Variants in TLK1 observed in about 807,000 individuals in gnomAD.
TLK1 encodes serine/threonine-protein kinase tousled-like 1.
TLK1 carries 24 observed loss-of-function variants against 105.3 expected under a neutral mutation model. The observed-to-expected ratio is 0.23, with a 90% CI of 0.17 to 0.32. The LOEUF (loss-of-function observed/expected upper bound fraction) is 0.32, where lower values mean the gene tolerates loss of function less well. Among genes scored for constraint, TLK1 ranks in the 10% least tolerant of loss-of-function variants. TLK1 has a pLI of 1.00. For synonymous variants in TLK1, 321 were observed against 310.4 expected (o/e 1.03, Z -0.36); for missense variants, 558 against 910.5 (o/e 0.61, Z 4.98).
chr2:171,115,625 T>C (rs1483615220), intron 2 of TLK1, among the ~76,000 whole-genome samples: 1 of 152,216 alleles, frequency 6.6e-6, no homozygotes, highest in Non-Finnish European at 1.5e-5. Context: ...AATTATTAGA[T>C]GAATCAGAAA....
At chr2:171,095,773 A>T (rs192333975) in intron 2 of TLK1, among the ~76,000 whole-genome samples, 4 of 152,296 alleles carry the variant, frequency 2.6e-5, no homozygotes, top group Non-Finnish European at 4.4e-5. Flanking sequence ...GCATCTGACA[A>T]AATTCAACAT....
intron 1 of TLK1, among the ~76,000 whole-genome samples, chr2:171,120,189 C>T (rs1575608996): frequency 7.3e-6 from 1 of 136,810 alleles, no homozygotes; most frequent in Non-Finnish European, 1.5e-5. Flanking sequence ...GCAAAGGCTG[C>T]AGTGAATCGA....
chr2:171,062,381 A>T (rs1210904099), intron 3 of TLK1, among the ~76,000 whole-genome samples: 1 of 152,234 alleles, frequency 6.6e-6, no homozygotes, highest in Non-Finnish European at 1.5e-5. Context: ...GTGGGCCTAC[A>T]ATTAAATATA....
At chr2:171,145,994 A>G (rs1691777166) in intron 1 of TLK1, among the ~76,000 whole-genome samples, 1 of 152,182 alleles carries the variant, frequency 6.6e-6, no homozygotes, top group Non-Finnish European at 1.5e-5. Context: ...CACAGGTCAG[A>G]GTTTATAATA....
chr2:171,151,162 C>T (rs1692017432), intron 1 of TLK1, among the ~76,000 whole-genome samples: 1 of 152,006 alleles, frequency 6.6e-6, no homozygotes, highest in Non-Finnish European at 1.5e-5. Flanking sequence ...CAACTACAGG[C>T]GTGCACCACA....
rs1012569823 is a variant in TLK1, at chr2:171,006,127, G to A, written c.1904+20C>T. On this transcript the variant is annotated intron_variant, in intron 18 of 20. Transcript: ENST00000431350. ...TGGGCACCAATCTAGACATTCTGAT[G>A]TTTTTAGTAATACACTTACCAGTAA... 2 of 1,537,508 alleles carry A rather than the reference G, an allele frequency of 1.3e-6. No individual in the cohort carries two copies. The highest frequency in any genetic ancestry group is 1.7e-6 in the Non-Finnish European group (2 of 1,147,628).
intron 3 of TLK1, among the ~76,000 whole-genome samples, chr2:171,065,465 CAG>C (rs964683095): frequency 6.6e-6 from 1 of 151,864 alleles, no homozygotes; most frequent in African/African-American, 2.4e-5. Context: ...TCAAACCTGA[CAG>C]AATGAATTTT....
upstream of TLK1, chr2:171,161,013 T>TG: frequency 3.8e-5 from 1 of 25,998 alleles, no homozygotes; most frequent in Non-Finnish European, 7.1e-5. Context: ...GGAGCAGGCT[T>TG]GGGGGAGGGA....
chr2:171,000,872 C>A (rs1684332485), intron 18 of TLK1, among the ~76,000 whole-genome samples: 1 of 152,164 alleles, frequency 6.6e-6, no homozygotes. Flanking sequence ...TGTTTTCTGG[C>A]AGTGCCTCTT....
chr2:171,228,437 G>C (rs1240717617), intron 1 of TLK1, among the ~76,000 whole-genome samples: 2 of 152,138 alleles, frequency 1.3e-5, no homozygotes, highest in Admixed American at 1.3e-4. Flanking sequence ...TATAGCCCCA[G>C]TTACTTGGGA....
chr2:171,204,126 A>G lies in TLK1; in HGVS notation c.-6+27019T>C, dbSNP rs879200004. 2.0e-5 allele frequency among the ~76,000 whole-genome samples: 3 copies of G among 152,242 alleles called. No individual in the cohort carries two copies. In the East Asian group the frequency reaches 5.8e-4, roughly 29 times the overall value. ...AAACATTTAAGTAAGCATTTTGTATAGAAAACAAATTTAAAACTTGTGATT... is the reference window on the plus strand; with the variant it reads ...AAACATTTAAGTAAGCATTTTGTATGGAAAACAAATTTAAAACTTGTGATT... On this transcript the variant is annotated intron_variant, in intron 1 of 20. Transcript: ENST00000521943.
intron 13 of TLK1, among the ~76,000 whole-genome samples, chr2:171,011,690 A>G (rs1684923556): frequency 6.6e-6 from 1 of 152,220 alleles, no homozygotes; most frequent in Non-Finnish European, 1.5e-5. Flanking sequence ...TTCAGGAGCA[A>G]TGACCAATTA....
chr2:171,071,294 CTT>C (rs199944263), intron 3 of TLK1, among the ~76,000 whole-genome samples: 2 of 144,844 alleles, frequency 1.4e-5, no homozygotes, highest in Non-Finnish European at 1.5e-5. Context: ...CCCATTTGTC[CTT>C]TTTTTTTTTG....
chr2:171,075,294 C>T (rs971562220), intron 3 of TLK1, among the ~76,000 whole-genome samples: 7 of 152,134 alleles, frequency 4.6e-5, no homozygotes, highest in African/African-American at 1.7e-4. Context: ...CCAGCTTCCA[C>T]ATATCCATAT....
chr2:171,116,725 C>G (rs1191303158), intron 2 of TLK1, among the ~76,000 whole-genome samples: 1 of 151,110 alleles, frequency 6.6e-6, no homozygotes, highest in Admixed American at 6.6e-5. Flanking sequence ...AAGAAATGCT[C>G]AAAATAATTG....
chr2:171,146,671 T>C (rs1394418455), intron 1 of TLK1, among the ~76,000 whole-genome samples: 5 of 152,222 alleles, frequency 3.3e-5, no homozygotes, highest in African/African-American at 1.2e-4. Context: ...AATCAAGACA[T>C]ATCAACTGAA....
In TLK1 at chr2:170,993,347, C is replaced by T. The variant is rs1256782196; in HGVS notation, c.*433G>A. ...AAGAATGTATCCAGGCACTATAGTTCGTATGTTAGAAATATGTCTCATATT... is the reference window on the plus strand; with the variant it reads ...AAGAATGTATCCAGGCACTATAGTTTGTATGTTAGAAATATGTCTCATATT... On this transcript the variant is annotated 3_prime_UTR_variant, in exon 21 of 21. Coordinates refer to ENST00000431350, the MANE Select transcript of TLK1 (RefSeq NM_012290.5). 2 of 153,082 alleles carry T rather than the reference C, an allele frequency of 1.3e-5. No homozygotes were observed. The highest frequency in any genetic ancestry group is 1.9e-4 in the East Asian group (1 of 5,212). 9.5% of individuals were successfully genotyped at this position (153,082 alleles called of 1,614,324 possible).
chr2:171,048,765 T>C (rs1332037903), intron 10 of TLK1, among the ~76,000 whole-genome samples: 1 of 152,216 alleles, frequency 6.6e-6, no homozygotes, highest in Non-Finnish European at 1.5e-5. Context: ...GAGGCAGTGT[T>C]TGAACAGCAA....
At chr2:171,148,890 A>AAAT (rs1445171800) in intron 1 of TLK1, among the ~76,000 whole-genome samples, 221 of 138,448 alleles carry the variant, frequency 1.6e-3, no homozygotes, top group Middle Eastern at 0.011. Context: ...AAAAAAAAAA[A>AAAT]ATATATATAT....
Sources: allele counts gnomAD v4.1 joint callset (sites outside exome capture counted in the v4.1 genomes callset), GRCh38; gene constraint gnomAD v4.1.1; transcripts MANE v1.5; gene names NCBI Gene and HGNC (gene_info 2026-07-23, HGNC 2026-07-21).